ASIC2: variants seen among roughly 807,000 people sequenced by gnomAD.
The protein encoded by ASIC2 is acid-sensing ion channel 2.
A neutral mutation model predicts 57.3 loss-of-function variants in ASIC2; 25 were observed. The observed-to-expected ratio is 0.44, with a 90% CI of 0.32 to 0.61. The LOEUF (loss-of-function observed/expected upper bound fraction) is 0.61, where lower values mean the gene tolerates loss of function less well. ASIC2 is among the 20% of genes least tolerant of loss of function. ASIC2 has a pLI of 0.06. For synonymous variants in ASIC2, 319 were observed against 307.5 expected (o/e 1.04, Z -0.39); for missense variants, 641 against 738.1 (o/e 0.87, Z 1.52).
intron 1 of ASIC2, among the ~76,000 whole-genome samples, chr17:33,973,917 C>T (rs1314469375): frequency 6.6e-6 from 1 of 152,082 alleles, no homozygotes; most frequent in Non-Finnish European, 1.5e-5. Flanking sequence ...CCCAGGAGAG[C>T]TCGAAACATT....
intron 1 of ASIC2, among the ~76,000 whole-genome samples, chr17:34,041,041 T>TG (rs1336104335): frequency 6.6e-6 from 1 of 152,154 alleles, no homozygotes; most frequent in East Asian, 1.9e-4. Flanking sequence ...CTCAGCTTAA[T>TG]GGGGAAGTGG....
chr17:33,344,931 G>GT (rs1257567193), intron 1 of ASIC2, among the ~76,000 whole-genome samples: 4 of 141,720 alleles, frequency 2.8e-5, no homozygotes, highest in Non-Finnish European at 6.2e-5. Context: ...ACAAAACCTT[G>GT]GTTTTTTTTT....
intron 1 of ASIC2, among the ~76,000 whole-genome samples, chr17:33,824,789 A>G (rs917043199): frequency 2.6e-5 from 4 of 152,126 alleles, no homozygotes; most frequent in South Asian, 2.1e-4. Flanking sequence ...CCCATGCAAG[A>G]TGTCCCTCTG....
intron 1 of ASIC2, among the ~76,000 whole-genome samples, chr17:33,232,879 G>A (rs1908161670): frequency 6.6e-6 from 1 of 152,178 alleles, no homozygotes; most frequent in African/African-American, 2.4e-5. Context: ...ATTGTGCTTT[G>A]TCCTGGGGGT....
At chr17:33,713,381 T>C (rs1909113406) in intron 1 of ASIC2, among the ~76,000 whole-genome samples, 1 of 152,342 alleles carries the variant, frequency 6.6e-6, no homozygotes, top group South Asian at 2.1e-4. Context: ...GGGTCCTTCT[T>C]TGCCTCTTCC....
chr17:34,007,042 TG>T (rs1395401907), intron 1 of ASIC2, among the ~76,000 whole-genome samples: 1 of 152,138 alleles, frequency 6.6e-6, no homozygotes, highest in African/African-American at 2.4e-5. Flanking sequence ...CCATGCCTCA[TG>T]GAAGGGACAT....
At chr17:33,447,359 C>T (rs1353707715) in intron 1 of ASIC2, among the ~76,000 whole-genome samples, 1 of 152,062 alleles carries the variant, frequency 6.6e-6, no homozygotes, top group African/African-American at 2.4e-5. Flanking sequence ...GGAGGAGAAG[C>T]CAAGGGGGCC....
intron 1 of ASIC2, among the ~76,000 whole-genome samples, chr17:33,973,182 GCT>G (rs1905271035): frequency 1.3e-5 from 2 of 152,238 alleles, no homozygotes; most frequent in South Asian, 4.1e-4. Flanking sequence ...ACAGAGCTCA[GCT>G]CTGAGTTGTA....
intron 1 of ASIC2, among the ~76,000 whole-genome samples, chr17:33,733,388 C>A (rs779882632): frequency 1.6e-4 from 24 of 152,160 alleles, no homozygotes; most frequent in Admixed American, 1.2e-3. Flanking sequence ...ACCTTGTTTG[C>A]CTAGGACTTT....
chr17:33,704,863 G>A (rs948412584), intron 1 of ASIC2, among the ~76,000 whole-genome samples: 1 of 152,126 alleles, frequency 6.6e-6, no homozygotes. Context: ...AAACTAACAG[G>A]TACGAAGTAG....
intron 1 of ASIC2, among the ~76,000 whole-genome samples, chr17:33,212,544 G>A (rs1037228519): frequency 6.6e-6 from 1 of 152,196 alleles, no homozygotes; most frequent in South Asian, 2.1e-4. Flanking sequence ...AGTTTCTGTT[G>A]TTTTAAGCCA....
At chr17:33,512,091 G>T (rs1199955619) in intron 1 of ASIC2, among the ~76,000 whole-genome samples, 1 of 152,192 alleles carries the variant, frequency 6.6e-6, no homozygotes, top group Non-Finnish European at 1.5e-5. Context: ...TTAATAGTAG[G>T]TAGTATTGTA....
At chr17:33,473,214 C>A (rs1185706079) in intron 1 of ASIC2, among the ~76,000 whole-genome samples, 6 of 152,246 alleles carry the variant, frequency 3.9e-5, no homozygotes, top group Non-Finnish European at 7.3e-5. Flanking sequence ...GGGACTATGG[C>A]ATAATATCCA....
At chr17:34,136,085 T>G (rs1912118960) in intron 1 of ASIC2, among the ~76,000 whole-genome samples, 1 of 152,142 alleles carries the variant, frequency 6.6e-6, no homozygotes, top group African/African-American at 2.4e-5. Context: ...ACCCTCCTCC[T>G]TTGGAGTCTA....
chr17:33,700,383 C>A (rs190613375), intron 1 of ASIC2, among the ~76,000 whole-genome samples: 43 of 152,162 alleles, frequency 2.8e-4, no homozygotes, highest in African/African-American at 9.6e-4. Context: ...CAAAGAGATC[C>A]CTAGCTGGAA....
chr17:33,276,186 G>A (rs1904695565), intron 1 of ASIC2, among the ~76,000 whole-genome samples: 1 of 151,984 alleles, frequency 6.6e-6, no homozygotes, highest in Non-Finnish European at 1.5e-5. Flanking sequence ...CTCAATAAAT[G>A]TATGCATTAG....
At chr17:33,438,511 A>G (rs915363967) in intron 1 of ASIC2, among the ~76,000 whole-genome samples, 2 of 152,184 alleles carry the variant, frequency 1.3e-5, no homozygotes, top group Non-Finnish European at 2.9e-5. Flanking sequence ...AGCATGTGCT[A>G]AGAAAATCAG....
chr17:33,344,016 G>A (rs984309180), intron 1 of ASIC2, among the ~76,000 whole-genome samples: 12 of 152,276 alleles, frequency 7.9e-5, no homozygotes, highest in African/African-American at 2.6e-4. Flanking sequence ...GCTGAGTTGC[G>A]TGTTCCAGCA....
At chr17:33,048,289 A>G (rs2091962789) in intron 3 of ASIC2, among the ~76,000 whole-genome samples, 1 of 152,134 alleles carries the variant, frequency 6.6e-6, no homozygotes, top group African/African-American at 2.4e-5. Flanking sequence ...TTGCTATGGC[A>G]CCTCGAGCTG....
Sources: gnomAD v4.1 joint callset for allele counts (sites outside exome capture counted in the v4.1 genomes callset) on GRCh38, gnomAD v4.1.1 for gene constraint, MANE v1.5 for transcripts, NCBI Gene and HGNC (gene_info 2026-07-23, HGNC 2026-07-21) for gene names.